Variants in NMNAT3 observed in about 807,000 individuals in gnomAD.
NMNAT3 encodes nicotinamide nucleotide adenylyltransferase 3, also known as nicotinamide/nicotinic acid mononucleotide adenylyltransferase 3.
Under a neutral mutation model 24.8 loss-of-function variants are expected in NMNAT3, and 21 were observed. That is an observed-to-expected ratio of 0.85 (90% CI 0.60 to 1.22). The LOEUF is 1.22. NMNAT3 is among the 50% of genes most tolerant of loss of function. The pLI, the probability that NMNAT3 is intolerant of heterozygous loss-of-function variation, is 0.00. For synonymous variants in NMNAT3, 136 were observed against 155.2 expected, an observed-to-expected ratio of 0.88 and a Z score of 0.92; for missense variants, 387 against 436.6, an observed-to-expected ratio of 0.89 and a Z score of 1.01.
chr3:139,623,373 T>C (rs1341608163), intron 3 of NMNAT3, among the ~76,000 whole-genome samples: 5 of 152,310 alleles, frequency 3.3e-5, no homozygotes, highest in East Asian at 3.9e-4. Flanking sequence ...CTGTCATCTA[T>C]GATAACAATG....
intron 3 of NMNAT3, among the ~76,000 whole-genome samples, chr3:139,617,549 G>A (rs1273541530): frequency 6.6e-6 from 1 of 152,180 alleles, no homozygotes; most frequent in African/African-American, 2.4e-5. Flanking sequence ...TGCACTTAGA[G>A]CACTACGTGG....
chr3:139,612,092 G>A (rs964527203), intron 3 of NMNAT3, among the ~76,000 whole-genome samples: 2 of 151,610 alleles, frequency 1.3e-5, no homozygotes, highest in South Asian at 2.1e-4. Context: ...GCTTGAATCC[G>A]GAAGGCAGAA....
chr3:139,628,287 C>A (rs1289689721), intron 2 of NMNAT3, among the ~76,000 whole-genome samples: 1 of 152,198 alleles, frequency 6.6e-6, no homozygotes, highest in African/African-American at 2.4e-5. Flanking sequence ...TACTCTTTAT[C>A]CAGATTCCCC....
At chr3:139,582,262 T>C (rs940571854) in intron 4 of NMNAT3, among the ~76,000 whole-genome samples, 1 of 150,140 alleles carries the variant, frequency 6.7e-6, no homozygotes. Flanking sequence ...AAGATCTAAC[T>C]TCTTAGTAAA....
chr3:139,569,079 C>G (rs1937633555), intron 6 of NMNAT3: 1 of 152,144 alleles, frequency 6.6e-6, no homozygotes, highest in African/African-American at 2.4e-5. Context: ...TTGAATTGAT[C>G]CCTTTACCAT....
At chr3:139,571,513 CT>C (rs1559859215) in intron 6 of NMNAT3, 1 of 152,112 alleles carries the variant, frequency 6.6e-6, no homozygotes, top group African/African-American at 2.4e-5. Context: ...TTCATGTAAA[CT>C]TCCTTTTTTT....
At chr3:139,582,190 CAAAAAAAAAAAAAA>C (rs756159164) in intron 4 of NMNAT3, among the ~76,000 whole-genome samples, 10 of 23,072 alleles carry the variant, frequency 4.3e-4, no homozygotes, top group African/African-American at 6.6e-4. Flanking sequence ...GACTCCCTCT[CAAAAAAAAAAAAAA>C]AAAAAAAAAA....
intron 6 of NMNAT3, chr3:139,569,409 C>G (rs1004973371): frequency 6.6e-6 from 1 of 152,242 alleles, no homozygotes; most frequent in African/African-American, 2.4e-5. Flanking sequence ...TTATTTTGCT[C>G]GTTAGTTGAT....
chr3:139,636,789 T>C (rs2056520037), intron 2 of NMNAT3: 1 of 152,122 alleles, frequency 6.6e-6, no homozygotes, highest in Non-Finnish European at 1.5e-5. Flanking sequence ...TGTGCAGCTG[T>C]CAACAAACTC....
In NMNAT3 at chr3:139,561,053, CA is replaced by C. The variant is rs760765319; in HGVS notation, c.997del (p.Trp333GlyfsTer82). On this transcript the variant is annotated frameshift_variant, in exon 7 of 7. Transcript: ENST00000643695. LOFTEE classifies it low-confidence loss of function (END_TRUNC). ...AGTGCTCTGGGTGCTTTTGCCTTTC[CA>C]GGTACTGCCCTTGGTGTAGAGGCCA... 3.8e-5 allele frequency: 61 copies of C among 1,613,866 alleles called. No homozygotes were observed. In the Middle Eastern group the frequency reaches 6.8e-4, roughly 18 times the overall value.
At chr3:139,657,858 AGT>A (rs147104787) in intron 1 of NMNAT3, among the ~76,000 whole-genome samples, 6,562 of 151,258 alleles carry the variant, frequency 0.043, 192 homozygotes, top group Admixed American at 0.093. Flanking sequence ...GTGCTGTGGG[AGT>A]GTGTCATGGG....
chr3:139,667,015 G>T (rs77414116), intron 1 of NMNAT3, among the ~76,000 whole-genome samples: 2,634 of 152,276 alleles, frequency 0.017, 74 homozygotes, highest in African/African-American at 0.06. Flanking sequence ...GGACATTTAG[G>T]TTGATTCCAA....
intron 3 of NMNAT3, among the ~76,000 whole-genome samples, chr3:139,598,152 G>C (rs896883281): frequency 5.9e-5 from 9 of 152,278 alleles, no homozygotes; most frequent in African/African-American, 2.2e-4. Context: ...CTCTGGCCTG[G>C]TAGGCTCACT....
chr3:139,662,306 G>A (rs2057441496), intron 1 of NMNAT3, among the ~76,000 whole-genome samples: 1 of 151,882 alleles, frequency 6.6e-6, no homozygotes. Context: ...GTCACTGATG[G>A]GCTGTTTGAC....
At chr3:139,633,930 A>C (rs1263684203) in intron 2 of NMNAT3, among the ~76,000 whole-genome samples, 3 of 152,168 alleles carry the variant, frequency 2.0e-5, no homozygotes, top group Non-Finnish European at 4.4e-5. Context: ...GTGCATCCGC[A>C]AGTTTCAGGG....
chr3:139,562,851 A>C (rs1048945016), intron 6 of NMNAT3, among the ~76,000 whole-genome samples: 1 of 152,254 alleles, frequency 6.6e-6, no homozygotes, highest in Non-Finnish European at 1.5e-5. Context: ...CACACTTTTC[A>C]AATGCTCTAG....
intron 1 of NMNAT3, among the ~76,000 whole-genome samples, chr3:139,667,933 A>G (rs1297112612): frequency 6.6e-6 from 1 of 152,236 alleles, no homozygotes; most frequent in Non-Finnish European, 1.5e-5. Flanking sequence ...ATGAGAAAGC[A>G]TTCAACAGGC....
rs572029662 is a variant in NMNAT3, at chr3:139,595,099, A to G, written c.110-11891T>C. On this transcript the variant is annotated intron_variant, in intron 3 of 6. Transcript: ENST00000643695. Reference sequence around the variant, plus strand: ...GCCCAAAATCTCCTTAAGCTGATAAACAACTTCAGCAAGTCTCAGGATACA... The same window carrying G: ...GCCCAAAATCTCCTTAAGCTGATAAGCAACTTCAGCAAGTCTCAGGATACA... 2.9e-3 allele frequency among the ~76,000 whole-genome samples: 435 copies of G among 152,334 alleles called. 3 individuals carry two copies. The highest frequency in any genetic ancestry group is 9.9e-3 in the African/African-American group (413 of 41,570).
At chr3:139,622,378 T>A (rs2055817327) in intron 3 of NMNAT3, among the ~76,000 whole-genome samples, 1 of 116,908 alleles carries the variant, frequency 8.6e-6, no homozygotes, top group Non-Finnish European at 1.9e-5. Flanking sequence ...GATTGTATAT[T>A]TTTTTTGGGA....
Sources: allele counts gnomAD v4.1 joint callset (sites outside exome capture counted in the v4.1 genomes callset), GRCh38; gene constraint gnomAD v4.1.1; transcripts MANE v1.5; gene names NCBI Gene and HGNC (gene_info 2026-07-23, HGNC 2026-07-21).